Variants in MGAT4C observed in about 807,000 individuals in gnomAD.
The protein encoded by MGAT4C is MGAT4 family member C.
Under a neutral mutation model 40.1 loss-of-function variants are expected in MGAT4C, and 19 were observed. The ratio of observed to expected loss-of-function variants is 0.47; its 90% CI spans 0.33 to 0.70. MGAT4C has a LOEUF of 0.70. MGAT4C is among the 30% of genes least tolerant of loss of function. The probability of loss-of-function intolerance (pLI) is 0.02; values close to 1 mark genes in which losing one functional copy is unlikely to be tolerated. For synonymous variants in MGAT4C, 181 were observed against 187.1 expected (o/e 0.97, Z 0.27); for missense variants, 491 against 563.2 (o/e 0.87, Z 1.30).
At chr12:86,657,000 G>A (rs1017830812) in intron 2 of MGAT4C, among the ~76,000 whole-genome samples, 1 of 151,966 alleles carries the variant, frequency 6.6e-6, no homozygotes, top group African/African-American at 2.4e-5. Flanking sequence ...ATGGGTATAA[G>A]AACTATGTGT....
intron 1 of MGAT4C, among the ~76,000 whole-genome samples, chr12:86,115,991 C>T (rs970744261): frequency 6.6e-6 from 1 of 151,962 alleles, no homozygotes; most frequent in Admixed American, 6.6e-5. Context: ...TTTGGGGTGA[C>T]ACAATTCAGC....
At chr12:86,677,043 G>A (rs904803317) in intron 2 of MGAT4C, among the ~76,000 whole-genome samples, 4 of 152,110 alleles carry the variant, frequency 2.6e-5, no homozygotes, top group African/African-American at 9.6e-5. Flanking sequence ...TTTAAGTGGC[G>A]GAGGTTAGAA....
chr12:86,091,512 G>A (rs976708939), intron 1 of MGAT4C, among the ~76,000 whole-genome samples: 5 of 152,122 alleles, frequency 3.3e-5, no homozygotes, highest in African/African-American at 1.2e-4. Flanking sequence ...TGGCTACTCA[G>A]GCAGGAGGAA....
chr12:86,716,612 G>C (rs1232735057), intron 2 of MGAT4C, among the ~76,000 whole-genome samples: 1 of 152,060 alleles, frequency 6.6e-6, no homozygotes, highest in African/African-American at 2.4e-5. Flanking sequence ...TTTGCCAATT[G>C]ATTCATATGT....
chr12:86,611,336 A>G (rs1962255044), intron 2 of MGAT4C, among the ~76,000 whole-genome samples: 1 of 152,008 alleles, frequency 6.6e-6, no homozygotes, highest in Non-Finnish European at 1.5e-5. Context: ...ACACACACAC[A>G]CACGTATGAT....
intron 1 of MGAT4C, among the ~76,000 whole-genome samples, chr12:86,177,897 C>T (rs1357264602): frequency 6.6e-6 from 1 of 152,052 alleles, no homozygotes; most frequent in Non-Finnish European, 1.5e-5. Flanking sequence ...TAGGGATAGG[C>T]ATTCAAATAT....
At chr12:86,345,928 T>G (rs1391319899) in intron 3 of MGAT4C, among the ~76,000 whole-genome samples, 2 of 152,318 alleles carry the variant, frequency 1.3e-5, no homozygotes, top group East Asian at 3.9e-4. Context: ...GTTTCCTGAC[T>G]TTTTAATGAT....
At chr12:86,440,432 T>C (rs1031342928) in intron 2 of MGAT4C, among the ~76,000 whole-genome samples, 1 of 152,020 alleles carries the variant, frequency 6.6e-6, no homozygotes, top group African/African-American at 2.4e-5. Flanking sequence ...CCAGCATCCC[T>C]TTATGATAAA....
At chr12:86,247,627 T>C (rs957162740) in intron 1 of MGAT4C, among the ~76,000 whole-genome samples, 2 of 152,134 alleles carry the variant, frequency 1.3e-5, no homozygotes, top group African/African-American at 4.8e-5. Context: ...TAACTGAGAA[T>C]TGAATAATAA....
intron 3 of MGAT4C, among the ~76,000 whole-genome samples, chr12:86,418,351 C>T (rs907833065): frequency 2.6e-4 from 39 of 151,930 alleles, no homozygotes; most frequent in Admixed American, 9.2e-4. Context: ...GCCTATAATC[C>T]CAACACTTTG....
At position 86,394,543 on chromosome 12, in the gene MGAT4C, T is replaced by A. The variant is rs941297515; in HGVS notation, c.-120+40614A>T. Among the ~76,000 whole-genome samples the A allele has an allele frequency of 4.1e-5, 6 of 144,864 alleles. No individual in the cohort carries two copies. The East Asian group carries it at 5.9e-4, about 14-fold the overall frequency. On this transcript the variant is annotated intron_variant, in intron 3 of 7. Coordinates refer to the MGAT4C transcript ENST00000548651. ...ATATTTATATATTTTATACATATAT[T>A]TATATATATTTATATATTTATATAT...
chr12:86,491,126 C>T (rs1342985955), intron 2 of MGAT4C, among the ~76,000 whole-genome samples: 1 of 152,106 alleles, frequency 6.6e-6, no homozygotes, highest in African/African-American at 2.4e-5. Context: ...AGACCAATAA[C>T]AGGCTCTGAA....
Position 86,256,316 on chromosome 12 carries a change from C to A in MGAT4C, c.-134G>T, listed in dbSNP as rs1175296675. 1 of 152,132 alleles carries A rather than the reference C, an allele frequency of 6.6e-6. No homozygotes were observed. The highest frequency in any genetic ancestry group is 1.5e-5 in the Non-Finnish European group (1 of 68,030). 9.4% of individuals were successfully genotyped at this position (152,132 alleles called of 1,614,324 possible). On this transcript the variant is annotated 5_prime_UTR_variant, in exon 1 of 5. Transcript: ENST00000611864. ...CCTGGAAGCATGAGTGATCCTTGGG[C>A]CTCACACAAAAGCGAGATAATTGGC...
chr12:86,424,135 G>C (rs1478588703), intron 3 of MGAT4C, among the ~76,000 whole-genome samples: 1 of 152,188 alleles, frequency 6.6e-6, no homozygotes, highest in African/African-American at 2.4e-5. Flanking sequence ...AACTTTGATA[G>C]AAGGAAATAA....
chr12:86,011,841 T>A, intron 2 of MGAT4C: 1 of 985,294 alleles, frequency 1.0e-6, no homozygotes, highest in Non-Finnish European at 1.2e-6. Flanking sequence ...AACTTTGGTC[T>A]CAAATTTGCA....
At chr12:86,793,156 T>G (rs1171612203) in intron 1 of MGAT4C, among the ~76,000 whole-genome samples, 1 of 152,176 alleles carries the variant, frequency 6.6e-6, no homozygotes, top group Non-Finnish European at 1.5e-5. Context: ...GGATAGTGAT[T>G]TTTTTATTTG....
At chr12:86,806,872 G>T (rs1364074561) in intron 1 of MGAT4C, among the ~76,000 whole-genome samples, 1 of 151,846 alleles carries the variant, frequency 6.6e-6, no homozygotes, top group Non-Finnish European at 1.5e-5. Context: ...GGGGGTAGCG[G>T]GGGAGGGATA....
chr12:86,187,228 C>T lies in MGAT4C; in HGVS notation c.-57+69011G>A, dbSNP rs1888859888. ...CTATAGCCCTACCACCCTGAATGCA[C>T]CCAATCTAGTCTAATATTTCTCTAT... is the stretch of plus-strand genomic sequence containing the variant. On this transcript the variant is annotated intron_variant, in intron 1 of 4. Coordinates refer to ENST00000611864, the MANE Select transcript of MGAT4C (RefSeq NM_001351288.2). Among the ~76,000 whole-genome samples, 5 of 152,176 alleles carry T rather than the reference C, an allele frequency of 3.3e-5. No homozygotes were observed. The South Asian group carries it at 8.3e-4, about 25-fold the overall frequency.
intron 2 of MGAT4C, among the ~76,000 whole-genome samples, chr12:86,695,747 A>G (rs1053275029): frequency 6.6e-6 from 1 of 152,050 alleles, no homozygotes; most frequent in Admixed American, 6.6e-5. Context: ...CGACACAGAG[A>G]GTAGAATGAT....
Sources: allele counts gnomAD v4.1 joint callset (sites outside exome capture counted in the v4.1 genomes callset), GRCh38; gene constraint gnomAD v4.1.1; transcripts MANE v1.5; gene names NCBI Gene and HGNC (gene_info 2026-07-23, HGNC 2026-07-21).